Variants in LARGE1 observed in about 807,000 individuals in gnomAD.
The protein encoded by LARGE1 is LARGE xylosyl- and glucuronyltransferase 1.
In LARGE1, 43 loss-of-function variants were observed where a neutral mutation model predicts 87.6. The ratio of observed to expected loss-of-function variants is 0.49; its 90% CI spans 0.38 to 0.63. The LOEUF is 0.63. Among genes scored for constraint, LARGE1 ranks in the 30% least tolerant of loss-of-function variants. The pLI, the probability that LARGE1 is intolerant of heterozygous loss-of-function variation, is 0.00. For missense variants in LARGE1, 802 were observed against 1,000.2 expected (o/e 0.80, Z 2.67); for synonymous variants, 434 against 394.6 (o/e 1.10, Z -1.18).
intron 6 of LARGE1, among the ~76,000 whole-genome samples, chr22:33,450,078 A>C (rs2067850389): frequency 6.6e-6 from 1 of 151,888 alleles, no homozygotes; most frequent in African/African-American, 2.4e-5. Flanking sequence ...CGCCCGGCTA[A>C]TTTTTGTATT....
At chr22:33,184,082 A>C (rs1265880252) in intron 11 of LARGE1, among the ~76,000 whole-genome samples, 1 of 142,468 alleles carries the variant, frequency 7.0e-6, no homozygotes, top group African/African-American at 2.6e-5. Flanking sequence ...TGTGGTAATC[A>C]GTACACTATA....
chr22:33,907,239 G>A (rs1171429431), intron 1 of LARGE1, among the ~76,000 whole-genome samples: 15 of 152,106 alleles, frequency 9.9e-5, no homozygotes, highest in Admixed American at 1.3e-4. Context: ...CAGCACTCAC[G>A]CCTGGCTTAC....
intron 1 of LARGE1, among the ~76,000 whole-genome samples, chr22:33,823,230 A>G (rs1450103385): frequency 6.6e-6 from 1 of 152,190 alleles, no homozygotes; most frequent in Non-Finnish European, 1.5e-5. Flanking sequence ...AGACCATAGC[A>G]CATACCTTGG....
At chr22:33,293,655 G>T (rs138952385) in intron 12 of LARGE1, among the ~76,000 whole-genome samples, 1 of 152,316 alleles carries the variant, frequency 6.6e-6, no homozygotes, top group East Asian at 1.9e-4. Flanking sequence ...GCTACGATCT[G>T]TGTACCTATG....
At chr22:33,737,032 G>T (rs1362417921) in intron 2 of LARGE1, among the ~76,000 whole-genome samples, 2 of 152,154 alleles carry the variant, frequency 1.3e-5, no homozygotes, top group African/African-American at 2.4e-5. Flanking sequence ...CGAAGACCTG[G>T]ATGCTGTGTA....
intron 2 of LARGE1, among the ~76,000 whole-genome samples, chr22:33,656,084 TAC>T (rs200363130): frequency 2.0e-5 from 3 of 148,290 alleles, no homozygotes; most frequent in South Asian, 2.2e-4. Context: ...TGTGTGTGTG[TAC>T]ACACACAAAT....
At chr22:33,172,546 A>C (rs1433896322) in intron 11 of LARGE1, among the ~76,000 whole-genome samples, 1 of 152,122 alleles carries the variant, frequency 6.6e-6, no homozygotes, top group Non-Finnish European at 1.5e-5. Context: ...AGGCTTCCCC[A>C]AATTTCTCTG....
the LARGE1 span, among the ~76,000 whole-genome samples, chr22:33,135,032 C>T: frequency 6.6e-6 from 1 of 152,152 alleles, no homozygotes; most frequent in South Asian, 2.1e-4. Flanking sequence ...AGGAAAACAG[C>T]CCCAGGAGAA....
intron 1 of LARGE1, among the ~76,000 whole-genome samples, chr22:33,771,724 T>A (rs1488933826): frequency 6.6e-6 from 1 of 152,156 alleles, no homozygotes; most frequent in Non-Finnish European, 1.5e-5. Flanking sequence ...ACCTTCTTCC[T>A]ATATACCCAC....
At chr22:33,392,812 A>T (rs907196295) in intron 7 of LARGE1, among the ~76,000 whole-genome samples, 3 of 152,230 alleles carry the variant, frequency 2.0e-5, no homozygotes, top group African/African-American at 7.2e-5. Flanking sequence ...AAACCTAGTA[A>T]ATCATTTTTC....
chr22:33,623,311 G>C (rs886906170), intron 4 of LARGE1, among the ~76,000 whole-genome samples: 1 of 152,120 alleles, frequency 6.6e-6, no homozygotes, highest in African/African-American at 2.4e-5. Flanking sequence ...AAACTGCAGA[G>C]AAACAATAAC....
At chr22:33,069,157 G>C in the LARGE1 span, among the ~76,000 whole-genome samples, 2 of 152,094 alleles carry the variant, frequency 1.3e-5, no homozygotes, top group African/African-American at 4.8e-5. Flanking sequence ...CCTGCTTGCA[G>C]TGTGAGGGAT....
intron 2 of LARGE1, among the ~76,000 whole-genome samples, chr22:33,677,813 A>T (rs2081627682): frequency 6.6e-6 from 1 of 152,194 alleles, no homozygotes; most frequent in Non-Finnish European, 1.5e-5. Flanking sequence ...AGACCCGATT[A>T]GTCACATGGG....
At chr22:33,680,010 T>C (rs1400196107) in intron 2 of LARGE1, among the ~76,000 whole-genome samples, 1 of 152,170 alleles carries the variant, frequency 6.6e-6, no homozygotes, top group Non-Finnish European at 1.5e-5. Flanking sequence ...AGTCATCCAG[T>C]TTGTGGTACT....
chr22:33,506,646 A>G, intron 6 of LARGE1, among the ~76,000 whole-genome samples: 1 of 152,184 alleles, frequency 6.6e-6, no homozygotes, highest in East Asian at 1.9e-4. Context: ...CACGCCTATA[A>G]TCCCAGCACT....
intron 11 of LARGE1, among the ~76,000 whole-genome samples, chr22:33,202,860 A>G (rs1924467048): frequency 6.6e-6 from 1 of 152,218 alleles, no homozygotes; most frequent in Non-Finnish European, 1.5e-5. Context: ...TGGAAAAGAC[A>G]GCACCTAAAA....
the LARGE1 span, among the ~76,000 whole-genome samples, chr22:33,156,627 G>A: frequency 6.6e-6 from 1 of 152,152 alleles, no homozygotes; most frequent in East Asian, 1.9e-4. Context: ...AGGTGGAAGG[G>A]ACTTGCCTTG....
chr22:33,243,596 A>G (rs1434125893), intron 11 of LARGE1, among the ~76,000 whole-genome samples: 1 of 152,194 alleles, frequency 6.6e-6, no homozygotes, highest in Non-Finnish European at 1.5e-5. Context: ...TTTATTGCTG[A>G]GTAGAATTTC....
At chr22:33,114,022 C>G in the LARGE1 span, among the ~76,000 whole-genome samples, 1 of 148,508 alleles carries the variant, frequency 6.7e-6, no homozygotes, top group African/African-American at 2.5e-5. Flanking sequence ...AGACACACAG[C>G]ACCACGCCCA....
Sources: allele counts gnomAD v4.1 joint callset (sites outside exome capture counted in the v4.1 genomes callset), GRCh38; gene constraint gnomAD v4.1.1; transcripts MANE v1.5; gene names NCBI Gene and HGNC (gene_info 2026-07-23, HGNC 2026-07-21).